The following CLCN4 variants were observed in gnomAD, a reference collection of about 807,000 sequenced individuals.
CLCN4 encodes the protein Cl-/H+ antiporter 4, also known as H(+)/Cl(-) exchange transporter 4.
A neutral mutation model predicts 41.7 loss-of-function variants in CLCN4; 1 was observed. That is an observed-to-expected ratio of 0.02 (90% CI 0.01 to 0.11). CLCN4 has a LOEUF of 0.11. Among genes scored for constraint, CLCN4 ranks in the 10% least tolerant of loss-of-function variants. The probability of loss-of-function intolerance (pLI) is 1.00; values close to 1 mark genes in which losing one functional copy is unlikely to be tolerated. For synonymous variants in CLCN4, 277 were observed against 285.8 expected (o/e 0.97, Z 0.31); for missense variants, 287 against 661.0 (o/e 0.43, Z 6.20).
rs1391832616 is a variant in CLCN4, at chrX:10,236,514, C to A, written c.*2930C>A. 9.0e-6 allele frequency: 1 copy of A among 111,477 alleles called. No individual in the cohort carries two copies. Among genetic ancestry groups the A allele is most frequent in the Admixed American group, 9.5e-5 (1 of 10,517 alleles). The allele number at this position is 111,477 out of a possible 1,213,427, so 9.2% of individuals were successfully genotyped here. A position where few individuals can be genotyped will look rare whatever the true frequency, so the allele number is the denominator to read the frequency against. ...TTCCTTCCGTGGAGTCCTAACTCAGCCATGTGGTCCACTCACCCAGGGGCC... is the reference window on the plus strand; with the variant it reads ...TTCCTTCCGTGGAGTCCTAACTCAGACATGTGGTCCACTCACCCAGGGGCC... On this transcript the variant is annotated 3_prime_UTR_variant, in exon 13 of 13. Transcript: ENST00000380833.
At chrX:10,207,953 A>G (rs1427377792) in intron 8 of CLCN4, 92 bp from the exon 9 acceptor site, 2 of 760,324 alleles carry the variant, frequency 2.6e-6, no homozygotes, top group South Asian at 2.5e-5. Flanking sequence ...CCACTCTTGG[A>G]CTTAGAGTGT....
At chrX:10,187,439 G>A (rs1000325874) in intron 3 of CLCN4, 76 bp from the exon 4 acceptor site, 20 of 738,465 alleles carry the variant, frequency 2.7e-5, no homozygotes, top group Non-Finnish European at 3.2e-5. Flanking sequence ...CCTGTTTCCC[G>A]AGGAAACAGT....
intron 12 of CLCN4, among the ~76,000 whole-genome samples, chrX:10,227,343 A>G (rs1251838623): frequency 7.2e-5 from 8 of 111,589 alleles, no homozygotes; most frequent in African/African-American, 2.0e-4. Context: ...CCTTCGATAA[A>G]AATAACATCC....
At chrX:10,171,342 C>T (rs975257698) in intron 2 of CLCN4, among the ~76,000 whole-genome samples, 1 of 112,236 alleles carries the variant, frequency 8.9e-6, no homozygotes, top group African/African-American at 3.2e-5. Context: ...AAAGATCACT[C>T]ACATGGGTTT....
chrX:10,227,455 G>A (rs1298303195), intron 12 of CLCN4, among the ~76,000 whole-genome samples: 1 of 111,470 alleles, frequency 9.0e-6, no homozygotes, highest in Non-Finnish European at 1.9e-5. Context: ...ATACTGAGTG[G>A]GCAAAACCTG....
In CLCN4 at chrX:10,211,584, C is replaced by G. The variant is rs781690906; in HGVS notation, c.1390-883C>G. Among the ~76,000 whole-genome samples, 5 of 111,692 alleles carry G rather than the reference C, an allele frequency of 4.5e-5. No individual in the cohort carries two copies. The South Asian group carries it at 1.9e-3, about 42-fold the overall frequency. Reference sequence around the variant, plus strand: ...AGTATTCTGACTCTAGAAATCACACCCAAGGATCCAAACTTCACTTGAATT... The same window carrying G: ...AGTATTCTGACTCTAGAAATCACACGCAAGGATCCAAACTTCACTTGAATT... On this transcript the variant is annotated intron_variant, in intron 9 of 12. Coordinates refer to ENST00000380833, the MANE Select transcript of CLCN4 (RefSeq NM_001830.4).
chrX:10,201,012 A>G (rs187795209), intron 6 of CLCN4, among the ~76,000 whole-genome samples: 14 of 112,634 alleles, frequency 1.2e-4, no homozygotes, highest in African/African-American at 4.5e-4. Flanking sequence ...TTATGTGACA[A>G]AAGTGCAAGG....
At chrX:10,213,554 A>G (rs1441445638) in intron 10 of CLCN4, 127 bp from the exon 11 acceptor site, 4 of 628,725 alleles carry the variant, frequency 6.4e-6, no homozygotes, top group African/African-American at 2.2e-5. Flanking sequence ...TGTAGGAAGC[A>G]TGTAGGAGAG....
intron 2 of CLCN4, among the ~76,000 whole-genome samples, chrX:10,164,287 G>A (rs746363244): frequency 7.2e-5 from 8 of 111,787 alleles, no homozygotes; most frequent in Admixed American, 1.9e-4. Context: ...GACAGGAAGC[G>A]TTTGCGGAAA....
intron 12 of CLCN4, among the ~76,000 whole-genome samples, chrX:10,224,057 T>C (rs1924923449): frequency 8.9e-6 from 1 of 111,817 alleles, no homozygotes; most frequent in African/African-American, 3.3e-5. Flanking sequence ...GATGTTCAGC[T>C]TTCTTCTTTT....
intron 6 of CLCN4, among the ~76,000 whole-genome samples, chrX:10,201,973 T>A (rs1258035214): frequency 9.0e-6 from 1 of 111,062 alleles, no homozygotes; most frequent in Non-Finnish European, 1.9e-5. Flanking sequence ...ACCTTGTTTC[T>A]AAAACAGAAA....
intron 11 of CLCN4, among the ~76,000 whole-genome samples, chrX:10,216,675 G>A (rs1225859420): frequency 2.8e-5 from 3 of 107,668 alleles, no homozygotes; most frequent in Non-Finnish European, 5.8e-5. Context: ...GGCAAGAACC[G>A]CAATTACTTT....
At chrX:10,168,140 A>G (rs1923295669) in intron 2 of CLCN4, among the ~76,000 whole-genome samples, 1 of 112,137 alleles carries the variant, frequency 8.9e-6, no homozygotes, top group Non-Finnish European at 1.9e-5. Context: ...TTTTTAGTAA[A>G]TGGGCAACGG....
At chrX:10,229,551 C>T (rs1326919167) in intron 12 of CLCN4, among the ~76,000 whole-genome samples, 2 of 108,480 alleles carry the variant, frequency 1.8e-5, no homozygotes, top group African/African-American at 3.4e-5. Context: ...CCCGTCCCCC[C>T]ACCCCACTAC....
At chrX:10,171,444 A>G (rs1258946562) in intron 2 of CLCN4, among the ~76,000 whole-genome samples, 1 of 111,521 alleles carries the variant, frequency 9.0e-6, no homozygotes, top group Non-Finnish European at 1.9e-5. Context: ...ACTTGAAATT[A>G]GGTTTCTGGT....
At chrX:10,218,974 A>G (rs1026626816) in intron 11 of CLCN4, among the ~76,000 whole-genome samples, 1 of 112,461 alleles carries the variant, frequency 8.9e-6, no homozygotes, top group African/African-American at 3.2e-5. Context: ...TCATCCGTTC[A>G]TTCATATGTG....
intron 2 of CLCN4, 98 bp downstream of exon 2, chrX:10,158,649 C>A: frequency 4.0e-6 from 1 of 248,011 alleles, no homozygotes; most frequent in East Asian, 6.2e-5. Context: ...CCCGGCTGCG[C>A]CCCCAGAAAC....
chrX:10,231,130 C>T (rs1360164295), intron 12 of CLCN4, among the ~76,000 whole-genome samples: 1 of 112,250 alleles, frequency 8.9e-6, no homozygotes, highest in African/African-American at 3.2e-5. Flanking sequence ...AGACTGGCTT[C>T]TTTCACTCAG....
At position 10,196,538 on chromosome X, in the gene CLCN4, C is replaced by CTTTTTT. The variant is rs141362799; in HGVS notation, c.433-1389_433-1384dup. ...ATTTATACATCTCCTCCCTTCCCCA[C>CTTTTTT]TTTTTTTTTTTTTTTTTGCCTGACT... On this transcript the variant is annotated intron_variant, in intron 5 of 12. Coordinates refer to ENST00000380833, the MANE Select transcript of CLCN4 (RefSeq NM_001830.4). Among the ~76,000 whole-genome samples, 476 of 80,865 alleles carry CTTTTTT rather than the reference C, an allele frequency of 5.9e-3. 15 individuals carry two copies. Among genetic ancestry groups the CTTTTTT allele is most frequent in the African/African-American group, 0.019 (377 of 20,282 alleles). 70.2% of individuals were successfully genotyped at this position (80,865 alleles called of 115,157 possible).
Sources: gnomAD v4.1 joint callset for allele counts (sites outside exome capture counted in the v4.1 genomes callset) on GRCh38, gnomAD v4.1.1 for gene constraint, MANE v1.5 for transcripts, NCBI Gene and HGNC (gene_info 2026-07-23, HGNC 2026-07-21) for gene names.